The following KCNU1 variants were observed in gnomAD, a reference collection of about 807,000 sequenced individuals.
The protein encoded by KCNU1 is potassium channel subfamily U member 1.
KCNU1 carries 93 observed loss-of-function variants against 126.8 expected under a neutral mutation model. The observed-to-expected ratio is 0.73, with a 90% CI of 0.62 to 0.87. KCNU1 has a LOEUF of 0.87. KCNU1 is among the 40% of genes least tolerant of loss of function. The pLI is 0.00. For synonymous variants in KCNU1, 523 were observed against 494.2 expected (o/e 1.06, Z -0.77); for missense variants, 1,330 against 1,367.1 (o/e 0.97, Z 0.43).
intron 16 of KCNU1, 77 bp from the exon 17 acceptor site, chr8:36,845,503 C>T (rs755329201): frequency 1.1e-5 from 9 of 792,934 alleles, no homozygotes; most frequent in Non-Finnish European, 1.9e-5. Context: ...ATCCATTGAT[C>T]ATAACAGAAA....
chr8:36,823,421 A>G (rs1585417744), intron 10 of KCNU1, among the ~76,000 whole-genome samples: 1 of 152,106 alleles, frequency 6.6e-6, no homozygotes. Context: ...TGCAAATGAG[A>G]ATTGTTCAAC....
chr8:36,918,168 C>T (rs1439052279), intron 22 of KCNU1, among the ~76,000 whole-genome samples: 1 of 152,300 alleles, frequency 6.6e-6, no homozygotes, highest in East Asian at 1.9e-4. Flanking sequence ...GGAGAGTAAG[C>T]ATATCTTAAT....
At chr8:36,889,983 AC>A (rs921718083) in intron 19 of KCNU1, among the ~76,000 whole-genome samples, 2 of 152,024 alleles carry the variant, frequency 1.3e-5, no homozygotes, top group African/African-American at 4.8e-5. Context: ...GAAAGAAAAA[AC>A]CCCATCAACC....
chr8:36,860,009 A>G (rs1805671517), intron 18 of KCNU1, among the ~76,000 whole-genome samples: 1 of 152,186 alleles, frequency 6.6e-6, no homozygotes, highest in South Asian at 2.1e-4. Flanking sequence ...TTTTTTGATC[A>G]ATGAAATACA....
intron 7 of KCNU1, among the ~76,000 whole-genome samples, chr8:36,810,298 G>A (rs568716614): frequency 1.3e-5 from 2 of 151,682 alleles, no homozygotes; most frequent in Non-Finnish European, 2.9e-5. Context: ...CCTATGTACA[G>A]CAGGTGCTCT....
At chr8:36,815,753 A>T in intron 9 of KCNU1, 66 bp downstream of exon 9, 1 of 918,348 alleles carries the variant, frequency 1.1e-6, no homozygotes, top group Non-Finnish European at 1.7e-6. Flanking sequence ...ATCTCGTTCT[A>T]GACATCTATT....
chr8:36,837,305 T>G lies in KCNU1; in HGVS notation c.1518+360T>G, dbSNP rs540931359. ...TAAAGGTTATATTATTAATGAAGGA[T>G]TCATATATTTCAATATAAATTAAAT... On this transcript the variant is annotated intron_variant, in intron 14 of 26. Coordinates refer to ENST00000399881, the MANE Select transcript of KCNU1 (RefSeq NM_001031836.3). 2.6e-4 allele frequency among the ~76,000 whole-genome samples: 39 copies of G among 152,264 alleles called. 1 individual carries two copies. The highest frequency in any genetic ancestry group is 9.8e-4 in the Admixed American group (15 of 15,294).
chr8:36,786,532 A>G (rs1802716487), intron 1 of KCNU1, among the ~76,000 whole-genome samples: 1 of 152,124 alleles, frequency 6.6e-6, no homozygotes, highest in African/African-American at 2.4e-5. Context: ...AGCTTTTTTG[A>G]AAGTCAGAGG....
chr8:36,863,075 G>A (rs181108803), intron 18 of KCNU1, among the ~76,000 whole-genome samples: 11 of 152,298 alleles, frequency 7.2e-5, no homozygotes, highest in Admixed American at 7.2e-4. Context: ...AGCACACCTG[G>A]CTGATGCAAT....
chr8:36,910,046 T>G (rs1807805906), intron 21 of KCNU1, among the ~76,000 whole-genome samples: 2 of 152,150 alleles, frequency 1.3e-5, no homozygotes, highest in South Asian at 4.1e-4. Flanking sequence ...GTATGGCGGT[T>G]GCAACTATAT....
At chr8:36,818,045 T>C (rs1174719427) in intron 10 of KCNU1, among the ~76,000 whole-genome samples, 3 of 152,218 alleles carry the variant, frequency 2.0e-5, no homozygotes, top group African/African-American at 7.2e-5. Context: ...TATAATCTTA[T>C]GCAAAAGCCT....
At chr8:36,869,149 C>T (rs2117356531) in intron 19 of KCNU1, among the ~76,000 whole-genome samples, 1 of 152,292 alleles carries the variant, frequency 6.6e-6, no homozygotes, top group South Asian at 2.1e-4. Flanking sequence ...ACCATAACCA[C>T]AATAAATTAT....
intron 22 of KCNU1, among the ~76,000 whole-genome samples, chr8:36,913,622 G>A (rs996247605): frequency 2.2e-5 from 3 of 135,478 alleles, no homozygotes; most frequent in Admixed American, 7.8e-5. Flanking sequence ...TTTTTTTTGA[G>A]ACGGAGTCTT....
Position 36,810,393 on chromosome 8 carries a change from G to C in KCNU1, c.732+1600G>C, listed in dbSNP as rs557695478. Among the ~76,000 whole-genome samples, 4 of 152,248 alleles carry C rather than the reference G, an allele frequency of 2.6e-5. No individual in the cohort carries two copies. In the South Asian group the frequency reaches 8.3e-4, roughly 32 times the overall value. ...TCTAAGGATGTGAGCATGTTTCCCT[G>C]CTGGACATCTGGTCTCCCAGGAAAG... On this transcript the variant is annotated intron_variant, in intron 7 of 26. Transcript: ENST00000399881.
chr8:36,854,648 G>A (rs1021541722), intron 18 of KCNU1, among the ~76,000 whole-genome samples: 2 of 151,868 alleles, frequency 1.3e-5, no homozygotes, highest in Non-Finnish European at 2.9e-5. Context: ...TTTATATATA[G>A]GTTTTTAAAG....
At chr8:36,881,402 T>C (rs1452363269) in intron 19 of KCNU1, among the ~76,000 whole-genome samples, 2 of 152,094 alleles carry the variant, frequency 1.3e-5, no homozygotes, top group Non-Finnish European at 2.9e-5. Context: ...TTTTAAATTT[T>C]TGGTAGGGAT....
intron 16 of KCNU1, among the ~76,000 whole-genome samples, chr8:36,844,689 C>A (rs937086485): frequency 1.3e-5 from 2 of 152,068 alleles, no homozygotes; most frequent in African/African-American, 4.8e-5. Flanking sequence ...TGTAAGTATC[C>A]CAGCAACAGA....
Position 36,912,620 on chromosome 8 carries a change from G to A in KCNU1, c.2521+1501G>A, listed in dbSNP as rs150382978. On this transcript the variant is annotated intron_variant, in intron 22 of 26. Transcript: ENST00000399881. ...TCATCATTTGTGTGTGTGTGTGTGTGTGTGCATGTGCATGCTTGTAACTGT... is the reference window on the plus strand; with the variant it reads ...TCATCATTTGTGTGTGTGTGTGTGTATGTGCATGTGCATGCTTGTAACTGT... Among the ~76,000 whole-genome samples the A allele has an allele frequency of 2.7e-3, 413 of 152,284 alleles. 4 individuals are homozygous for A. The highest frequency in any genetic ancestry group is 9.6e-3 in the African/African-American group (399 of 41,564).
intron 2 of KCNU1, among the ~76,000 whole-genome samples, chr8:36,796,400 GT>G (rs1803101480): frequency 6.6e-6 from 1 of 152,110 alleles, no homozygotes; most frequent in Non-Finnish European, 1.5e-5. Flanking sequence ...TATGTTATAT[GT>G]GTTTTCCATA....
Sources: gnomAD v4.1 joint callset for allele counts (sites outside exome capture counted in the v4.1 genomes callset) on GRCh38, gnomAD v4.1.1 for gene constraint, MANE v1.5 for transcripts, NCBI Gene and HGNC (gene_info 2026-07-23, HGNC 2026-07-21) for gene names.